Variants in RSRC2 observed in about 807,000 individuals in gnomAD.
RSRC2 encodes the protein arginine/serine-rich coiled-coil protein 2.
Under a neutral mutation model 61.3 loss-of-function variants are expected in RSRC2, and 5 were observed. That is an observed-to-expected ratio of 0.08 (90% CI 0.04 to 0.17). The LOEUF (loss-of-function observed/expected upper bound fraction) is 0.17, where lower values mean the gene tolerates loss of function less well. Among genes scored for constraint, RSRC2 ranks in the 10% least tolerant of loss-of-function variants. The probability of loss-of-function intolerance (pLI) is 1.00; values close to 1 mark genes in which losing one functional copy is unlikely to be tolerated. For synonymous variants in RSRC2, 202 were observed against 166.5 expected (o/e 1.21, Z -1.64); for missense variants, 381 against 518.8 (o/e 0.73, Z 2.58).
Position 122,522,283 on chromosome 12 carries a change from C to A in RSRC2, c.23G>T (p.Arg8Leu). Residue 8 changes from arginine (R) to leucine (L), a missense_variant, in exon 2 of 10, where the codon CGA becomes CTA. Arg to Leu is a moderately radical substitution (Grantham distance 102, BLOSUM62 -2). Around this residue, in one of 4 missense-constraint regions of RSRC2, gnomAD observed 266 missense variants for 270.5 expected, o/e 0.98. Coordinates refer to ENST00000331738, the MANE Select transcript of RSRC2 (RefSeq NM_023012.6). ...TGTCTTTTCTGGGGCTAGTCCATCT[C>A]GCTCTGTATCACTAGCCTAAAAGTT... MAASDTE[R>L]DGLAPEKTSP... is the part of the protein sequence containing the mutation. The A allele has an allele frequency of 6.2e-7, 1 of 1,605,220 alleles. No homozygotes were observed. Among genetic ancestry groups the A allele is most frequent in the Non-Finnish European group, 8.5e-7 (1 of 1,177,256 alleles).
intron 4 of RSRC2, among the ~76,000 whole-genome samples, chr12:122,517,973 T>C (rs556239082): frequency 6.6e-6 from 1 of 152,346 alleles, no homozygotes; most frequent in Admixed American, 6.5e-5. Context: ...TTTAACAATA[T>C]GATTTTTTCA....
At chr12:122,521,610 T>C (rs1959216715) in intron 2 of RSRC2, among the ~76,000 whole-genome samples, 182 bp from the exon 3 acceptor site, 2 of 152,174 alleles carry the variant, frequency 1.3e-5, no homozygotes, top group African/African-American at 4.8e-5. Context: ...AATCAAGCAA[T>C]CTGAGCAAAC....
At chr12:122,514,991 CCAT>C in intron 6 of RSRC2, 111 bp downstream of exon 6, 2 of 1,140,698 alleles carry the variant, frequency 1.8e-6, no homozygotes, top group Non-Finnish European at 2.5e-6. Context: ...AAATATGCCA[CCAT>C]ATTACTAAAG....
chr12:122,517,334 C>T lies in RSRC2; in HGVS notation c.495G>A (p.Ser165=), dbSNP rs572371574. The change falls in exon 5 of 10, where the codon TCG becomes TCA. Residue 165 remains serine (S), a synonymous_variant. Coordinates refer to ENST00000331738, the MANE Select transcript of RSRC2 (RefSeq NM_023012.6). ...SRSRSRERKK[S]RSRSRERKRR... is the part of the protein sequence containing the mutation. ...GTTTTCTTTCCCTGCTTCTGGATCT[C>T]GATTTCTTCCTCTCTCTGCTTCTGG... 1.2e-5 allele frequency: 20 copies of T among 1,613,838 alleles called. 1 individual carries two copies. The highest frequency in any genetic ancestry group is 1.2e-4 in the South Asian group (11 of 91,082).
Position 122,526,932 on chromosome 12 carries a change from A to T in RSRC2, c.-79T>A. ...ACCGGCCGCTCCGAAGCTTCGCCTC[A>T]GACTAAATCGCTCGCGCGAGAGACC... is the stretch of plus-strand genomic sequence containing the variant. On this transcript the variant is annotated 5_prime_UTR_variant, in exon 1 of 10. Coordinates refer to ENST00000331738, the MANE Select transcript of RSRC2 (RefSeq NM_023012.6). 1 of 1,555,114 alleles carries T rather than the reference A, an allele frequency of 6.4e-7. No individual in the cohort carries two copies. Among genetic ancestry groups the T allele is most frequent in the Non-Finnish European group, 8.9e-7 (1 of 1,127,586 alleles).
At chr12:122,508,495 T>TA (rs769609029) in intron 7 of RSRC2, 48 bp from the exon 8 acceptor site, 62 of 1,398,482 alleles carry the variant, frequency 4.4e-5, no homozygotes, top group Non-Finnish European at 6.0e-5. Flanking sequence ...TTTTAAAACA[T>TA]AAACCTCCTG....
chr12:122,524,205 G>A (rs958479818), intron 1 of RSRC2, among the ~76,000 whole-genome samples: 3 of 151,846 alleles, frequency 2.0e-5, no homozygotes, highest in African/African-American at 7.3e-5. Context: ...AAATAATGCT[G>A]TATCATTAAG....
intron 7 of RSRC2, among the ~76,000 whole-genome samples, chr12:122,510,158 A>C (rs1313739508): frequency 1.3e-5 from 2 of 152,220 alleles, no homozygotes; most frequent in Non-Finnish European, 2.9e-5. Context: ...TGTTACGCAT[A>C]AAAACTTGAT....
chr12:122,521,192 T>C, intron 3 of RSRC2, 193 bp downstream of exon 3: 1 of 466,186 alleles, frequency 2.1e-6, no homozygotes, highest in South Asian at 4.6e-5. Context: ...AATTAAAGTT[T>C]TGAAGGTACT....
intron 9 of RSRC2, 41 bp downstream of exon 9, chr12:122,506,793 A>G (rs772102672): frequency 5.2e-6 from 6 of 1,161,060 alleles, no homozygotes. Context: ...CAGGAGGGCT[A>G]ATAGCTAATA....
Position 122,519,175 on chromosome 12 carries a change from C to T in RSRC2, c.208-146G>A, listed in dbSNP as rs1219551774. ...AAAAAAAAGATCTAGTTTCACATCA[C>T]CCAAATGTTGCAGATGTAATTACTA... On this transcript the variant is annotated intron_variant, in intron 3 of 9. Transcript: ENST00000331738. 3 of 620,850 alleles carry T rather than the reference C, an allele frequency of 4.8e-6. No individual in the cohort carries two copies. The East Asian group carries it at 8.2e-5, about 17-fold the overall frequency. The allele number at this position is 620,850 out of a possible 1,614,324, so 38.5% of individuals were successfully genotyped here.
At chr12:122,512,796 A>G (rs1958625318) in intron 6 of RSRC2, among the ~76,000 whole-genome samples, 1 of 152,172 alleles carries the variant, frequency 6.6e-6, no homozygotes, top group Non-Finnish European at 1.5e-5. Flanking sequence ...ATAACAAGCT[A>G]TAATTTTATT....
intron 2 of RSRC2, 63 bp downstream of exon 2, chr12:122,522,080 T>A (rs1959282324): frequency 4.7e-6 from 7 of 1,477,532 alleles, no homozygotes; most frequent in Non-Finnish European, 6.4e-6. Flanking sequence ...TGTCTTCTTA[T>A]ACAACAGGTC....
chr12:122,510,727 T>C (rs777946339), intron 7 of RSRC2, among the ~76,000 whole-genome samples: 5 of 152,104 alleles, frequency 3.3e-5, no homozygotes, highest in Non-Finnish European at 5.9e-5. Flanking sequence ...TTATTTTCTA[T>C]ATTTTTCAAT....
chr12:122,511,211 T>C (rs1389658149), intron 6 of RSRC2, 23 bp from the exon 7 acceptor site: 2 of 1,543,122 alleles, frequency 1.3e-6, no homozygotes, highest in East Asian at 2.2e-5. Context: ...TTTCAATGAA[T>C]TTAAAATAAC....
At chr12:122,515,282 T>C (rs1958820426) in intron 5 of RSRC2, 55 bp from the exon 6 acceptor site, 1 of 1,553,198 alleles carries the variant, frequency 6.4e-7, no homozygotes, top group Non-Finnish European at 8.8e-7. Context: ...AACTATTTTG[T>C]TAATAAGAAA....
intron 6 of RSRC2, among the ~76,000 whole-genome samples, chr12:122,513,196 A>AAAAT (rs58751034): frequency 0.046 from 6,025 of 129,810 alleles, 223 homozygotes; most frequent in East Asian, 0.19. Flanking sequence ...CTCCGTCTCA[A>AAAAT]AAATAAATAA....
chr12:122,525,575 T>TA (rs1960060251), intron 1 of RSRC2, among the ~76,000 whole-genome samples: 1 of 152,182 alleles, frequency 6.6e-6, no homozygotes, highest in South Asian at 2.1e-4. Context: ...GAGCAAACTT[T>TA]AAAACTATCA....
chr12:122,503,690 G>A lies in RSRC2; in HGVS notation c.*1837C>T, dbSNP rs964892996. On this transcript the variant is annotated 3_prime_UTR_variant, in exon 10 of 10. Transcript: ENST00000331738. ...AAGGATCCATAGTGTCATTTCCTTA[G>A]AAGGCTTAGATTTGTCACTGAAACA... 45 of 152,180 alleles carry A rather than the reference G, an allele frequency of 3.0e-4. No homozygotes were observed. The highest frequency in any genetic ancestry group is 9.9e-4 in the African/African-American group (41 of 41,440). 9.4% of individuals were successfully genotyped at this position (152,180 alleles called of 1,614,324 possible).
Sources: allele counts gnomAD v4.1 joint callset (sites outside exome capture counted in the v4.1 genomes callset), GRCh38; gene constraint gnomAD v4.1.1; regional missense constraint gnomAD v4.1.1; transcripts MANE v1.5; gene names NCBI Gene and HGNC (gene_info 2026-07-23, HGNC 2026-07-21).